SLIT3: variants seen among roughly 807,000 people sequenced by gnomAD.
SLIT3 encodes slit homolog 3 protein.
In SLIT3, 68 loss-of-function variants were observed where a neutral mutation model predicts 184.0. The observed-to-expected ratio is 0.37, with a 90% CI of 0.30 to 0.45. The LOEUF is 0.45. Among genes scored for constraint, SLIT3 ranks in the 20% least tolerant of loss-of-function variants. The pLI is 1.00. For synonymous variants in SLIT3, 831 were observed against 828.6 expected, an observed-to-expected ratio of 1.00 and a Z score of -0.05; for missense variants, 1,707 against 2,026.0, an observed-to-expected ratio of 0.84 and a Z score of 3.02.
At chr5:169,261,325 C>A (rs77174045) in intron 1 of SLIT3, among the ~76,000 whole-genome samples, 36 of 151,608 alleles carry the variant, frequency 2.4e-4, no homozygotes, top group African/African-American at 8.5e-4. Context: ...AAACAAAAAA[C>A]AAAAAAAAAC....
At chr5:169,299,581 C>T (rs996105293) in intron 1 of SLIT3, among the ~76,000 whole-genome samples, 7 of 152,162 alleles carry the variant, frequency 4.6e-5, no homozygotes, top group African/African-American at 1.2e-4. Context: ...TCCCCCACTC[C>T]CTTACCCCAC....
intron 4 of SLIT3, among the ~76,000 whole-genome samples, chr5:169,031,668 A>G (rs1454541988): frequency 1.3e-5 from 2 of 152,224 alleles, no homozygotes; most frequent in Non-Finnish European, 1.5e-5. Context: ...GTGAGCAAGA[A>G]CAGAGTAGTA....
intron 4 of SLIT3, among the ~76,000 whole-genome samples, chr5:169,091,304 G>A (rs1309093192): frequency 6.6e-6 from 1 of 152,186 alleles, no homozygotes; most frequent in African/African-American, 2.4e-5. Context: ...TGTAAGGGAT[G>A]CATTCTTGCT....
At chr5:169,288,281 G>T (rs1352366705) in intron 1 of SLIT3, among the ~76,000 whole-genome samples, 1 of 152,134 alleles carries the variant, frequency 6.6e-6, no homozygotes. Context: ...TGTGCTGTTT[G>T]CCAGCTAGCT....
intron 4 of SLIT3, among the ~76,000 whole-genome samples, chr5:168,892,180 TATG>T (rs989405960): frequency 6.6e-6 from 1 of 152,366 alleles, no homozygotes; most frequent in Admixed American, 6.5e-5. Context: ...TTAATTTTAA[TATG>T]ATATTTAACT....
At chr5:169,109,906 G>A (rs973384268) in intron 4 of SLIT3, among the ~76,000 whole-genome samples, 1 of 152,136 alleles carries the variant, frequency 6.6e-6, no homozygotes, top group African/African-American at 2.4e-5. Context: ...GGCTTACCGT[G>A]TGCCAGTTGC....
intron 23 of SLIT3, among the ~76,000 whole-genome samples, chr5:168,717,496 C>T (rs1411652862): frequency 2.0e-5 from 3 of 152,066 alleles, no homozygotes; most frequent in African/African-American, 7.2e-5. Context: ...TACTTATTTC[C>T]CCTTCTAGAC....
At chr5:169,094,168 T>C (rs900439882) in intron 4 of SLIT3, among the ~76,000 whole-genome samples, 7 of 152,326 alleles carry the variant, frequency 4.6e-5, no homozygotes, top group African/African-American at 1.7e-4. Flanking sequence ...CTGCACCCTG[T>C]ATTCTTTTTG....
At chr5:169,013,989 G>C (rs183644360) in intron 4 of SLIT3, among the ~76,000 whole-genome samples, 23 of 152,282 alleles carry the variant, frequency 1.5e-4, no homozygotes, top group Admixed American at 9.1e-4. Flanking sequence ...GCACTGAGTG[G>C]ATGAGGGAGA....
chr5:169,122,828 A>G (rs1760934412), intron 4 of SLIT3, among the ~76,000 whole-genome samples: 1 of 152,176 alleles, frequency 6.6e-6, no homozygotes, highest in Non-Finnish European at 1.5e-5. Flanking sequence ...GGAAATATGG[A>G]TTTAGGCACA....
chr5:169,121,381 G>C (rs1285395267), intron 4 of SLIT3, among the ~76,000 whole-genome samples: 1 of 152,094 alleles, frequency 6.6e-6, no homozygotes, highest in Non-Finnish European at 1.5e-5. Flanking sequence ...TCGGCCACTG[G>C]GGTTCCAAAA....
intron 5 of SLIT3, among the ~76,000 whole-genome samples, chr5:168,872,973 T>G (rs1318675835): frequency 2.0e-5 from 3 of 152,156 alleles, no homozygotes; most frequent in Admixed American, 6.5e-5. Flanking sequence ...CTTGATGGTC[T>G]TCTTGGAAAT....
intron 35 of SLIT3, among the ~76,000 whole-genome samples, chr5:168,669,540 G>GT (rs1199825503): frequency 2.0e-5 from 3 of 152,334 alleles, no homozygotes; most frequent in East Asian, 1.9e-4. Context: ...TAAAAAAAAT[G>GT]TTTTTTGTGG....
chr5:168,950,730 G>C (rs753083229), intron 4 of SLIT3, among the ~76,000 whole-genome samples: 1 of 152,156 alleles, frequency 6.6e-6, no homozygotes, highest in African/African-American at 2.4e-5. Context: ...ACATTACCAC[G>C]TAAGGATGTG....
intron 10 of SLIT3, among the ~76,000 whole-genome samples, chr5:168,793,406 A>G (rs982692686): frequency 5.3e-5 from 8 of 152,146 alleles, no homozygotes; most frequent in African/African-American, 1.9e-4. Context: ...TACCTCTCCC[A>G]AACCATTGAT....
At chr5:168,833,867 G>A (rs552663330) in intron 6 of SLIT3, among the ~76,000 whole-genome samples, 2 of 152,214 alleles carry the variant, frequency 1.3e-5, no homozygotes, top group African/African-American at 4.8e-5. Flanking sequence ...TGACCTCCAG[G>A]GTCTTTCTAG....
intron 4 of SLIT3, among the ~76,000 whole-genome samples, chr5:168,923,227 G>A (rs1052836223): frequency 2.0e-5 from 3 of 152,122 alleles, no homozygotes; most frequent in Non-Finnish European, 4.4e-5. Flanking sequence ...AAACAGCAGG[G>A]TGAGCAAGCT....
In SLIT3 at chr5:169,076,661, A is replaced by T. The variant is rs138133303; in HGVS notation, c.413+116818T>A. Among the ~76,000 whole-genome samples, 16 of 152,304 alleles carry T rather than the reference A, an allele frequency of 1.1e-4. No homozygotes were observed. In the East Asian group the frequency reaches 3.1e-3, roughly 29 times the overall value. ...TCTTGAGAGCCTGAGAGAGACAGGG[A>T]ACATTTTATAACTCAGTTTTTGGAA... On this transcript the variant is annotated intron_variant, in intron 4 of 35. Coordinates refer to ENST00000519560, the MANE Select transcript of SLIT3 (RefSeq NM_003062.4).
At chr5:168,970,170 G>C (rs972856474) in intron 4 of SLIT3, among the ~76,000 whole-genome samples, 2 of 138,972 alleles carry the variant, frequency 1.4e-5, no homozygotes, top group African/African-American at 5.4e-5. Context: ...AACAGAGAGA[G>C]ACTCTGTCTA....
Sources: allele counts gnomAD v4.1 joint callset (sites outside exome capture counted in the v4.1 genomes callset), GRCh38; gene constraint gnomAD v4.1.1; transcripts MANE v1.5; gene names NCBI Gene and HGNC (gene_info 2026-07-23, HGNC 2026-07-21).